The following MYOM2 variants were observed in gnomAD, a reference collection of about 807,000 sequenced individuals.
The protein encoded by MYOM2 is myomesin 2.
In MYOM2, 254 loss-of-function variants were observed where a neutral mutation model predicts 187.6. That is an observed-to-expected ratio of 1.35 (90% CI 1.22 to 1.50). MYOM2 has a LOEUF of 1.50. MYOM2 is among the 40% of genes most tolerant of loss of function. MYOM2 has a pLI of 0.00. For synonymous variants in MYOM2, 981 were observed against 753.8 expected, an observed-to-expected ratio of 1.30 and a Z score of -4.94; for missense variants, 2,796 against 1,924.0, an observed-to-expected ratio of 1.45 and a Z score of -8.48.
intron 13 of MYOM2, 110 bp from the exon 14 acceptor site, chr8:2,085,153 A>G: frequency 7.2e-7 from 1 of 1,387,044 alleles, no homozygotes; most frequent in Non-Finnish European, 9.8e-7. Context: ...CCCAAATAGA[A>G]ACAAAACAAG....
chr8:2,050,616 A>C (rs1818450367), intron 1 of MYOM2, 139 bp from the exon 2 acceptor site: 1 of 534,552 alleles, frequency 1.9e-6, no homozygotes, highest in South Asian at 2.9e-5. Flanking sequence ...ATTTCTGGCC[A>C]TGTAATCTTT....
chr8:2,064,760 TCCCTCCTCCTTCTCCTCCATCC>T (rs1369910629), intron 6 of MYOM2, among the ~76,000 whole-genome samples: 7 of 151,396 alleles, frequency 4.6e-5, no homozygotes, highest in Non-Finnish European at 8.8e-5. Flanking sequence ...GGAACACATC[TCCCTCCTCCTTCTCCTCCATCC>T]CCCTCCTCCT....
rs748989159 is a variant in MYOM2, at chr8:2,098,838, T to G, written c.2314-19T>G. The G allele has an allele frequency of 1.2e-6, 2 of 1,601,250 alleles. No individual in the cohort carries two copies. Among genetic ancestry groups the G allele is most frequent in the Non-Finnish European group, 1.7e-6 (2 of 1,170,366 alleles). On this transcript the variant is annotated intron_variant, in intron 18 of 36. Coordinates refer to ENST00000262113, the MANE Select transcript of MYOM2 (RefSeq NM_003970.4). The stretch of plus-strand genomic sequence containing the variant: ...GGCATCCTTTATCTCATGTATTAAT[T>G]TAAACAAAATCTGAATAGGTGGACG...
At chr8:2,139,054 C>G (rs1241174808) in intron 32 of MYOM2, among the ~76,000 whole-genome samples, 1 of 45,086 alleles carries the variant, frequency 2.2e-5, no homozygotes, top group Non-Finnish European at 4.6e-5. Flanking sequence ...AGAGACCCGA[C>G]ACACACTGCC....
intron 29 of MYOM2, 70 bp from the exon 30 acceptor site, chr8:2,123,485 T>TA (rs1184192758): frequency 8.3e-5 from 123 of 1,487,568 alleles, no homozygotes; most frequent in Non-Finnish European, 1.9e-6. Context: ...GAAAATGTAT[T>TA]AGAGTTTATT....
At chr8:2,113,548 A>G (rs1797136879) in intron 25 of MYOM2, among the ~76,000 whole-genome samples, 1 of 152,050 alleles carries the variant, frequency 6.6e-6, no homozygotes. Context: ...TAGCTGTTGA[A>G]GGAAGAGAGG....
chr8:2,145,063 G>C lies in MYOM2; in HGVS notation c.*82G>C. On this transcript the variant is annotated 3_prime_UTR_variant, in exon 37 of 37. Transcript: ENST00000262113. ...TGTGCTTGTTCCAAATGAGCAGCTG[G>C]CATCCGAGTGGTGTCCTGTGTGGGC... 1 of 1,475,110 alleles carries C rather than the reference G, an allele frequency of 6.8e-7. No individual in the cohort carries two copies. The highest frequency in any genetic ancestry group is 1.2e-5 in the South Asian group (1 of 82,908). The allele number at this position is 1,475,110 out of a possible 1,614,324, so 91.4% of individuals were successfully genotyped here. A position where few individuals can be genotyped will look rare whatever the true frequency, so the allele number is the denominator to read the frequency against.
chr8:2,138,809 C>T (rs957178881), intron 32 of MYOM2, among the ~76,000 whole-genome samples: 14 of 152,176 alleles, frequency 9.2e-5, no homozygotes, highest in African/African-American at 3.4e-4. Context: ...TGTCCGGGAT[C>T]CCAGAGGCTA....
At chr8:2,046,616 T>C (rs1299091220) in intron 1 of MYOM2, among the ~76,000 whole-genome samples, 1 of 152,172 alleles carries the variant, frequency 6.6e-6, no homozygotes, top group Non-Finnish European at 1.5e-5. Flanking sequence ...GCAGAGCAGG[T>C]GGAGGCCCCT....
chr8:2,100,928 G>T lies in MYOM2; in HGVS notation c.2493G>T (p.Met831Ile). ...FCEVRDTSLV[M>I]LWKAPVYSGS... ...AGGTCAGGGACACGTCCTTGGTCAT[G>T]CTGTGGAAGGCCCCTGTGTACTCCG... is the stretch of plus-strand genomic sequence containing the variant. The change falls in exon 20 of 37, where the codon ATG (methionine) becomes ATT (isoleucine). Residue 831 changes from methionine (M) to isoleucine (I), a missense_variant. Coordinates refer to ENST00000262113, the MANE Select transcript of MYOM2 (RefSeq NM_003970.4). 1 of 1,614,228 alleles carries T rather than the reference G, an allele frequency of 6.2e-7. No homozygotes were observed. The highest frequency in any genetic ancestry group is 1.7e-5 in the Admixed American group (1 of 60,026).
chr8:2,051,448 T>A (rs1818483366), intron 2 of MYOM2, among the ~76,000 whole-genome samples: 2 of 152,092 alleles, frequency 1.3e-5, no homozygotes. Flanking sequence ...TCTGCAATCT[T>A]AATGGGCTGA....
chr8:2,071,416 C>T (rs950292174), intron 8 of MYOM2, among the ~76,000 whole-genome samples: 2 of 152,128 alleles, frequency 1.3e-5, no homozygotes, highest in Middle Eastern at 3.2e-3. Context: ...CCCTACCACA[C>T]ATATTTTTGA....
chr8:2,115,868 A>C (rs1294752834), intron 25 of MYOM2, 92 bp from the exon 26 acceptor site: 33 of 1,389,052 alleles, frequency 2.4e-5, no homozygotes, highest in Non-Finnish European at 3.3e-5. Context: ...ATCCCTTGAG[A>C]TCTCATGGCT....
At chr8:2,073,316 C>G in intron 9 of MYOM2, 23 bp from the exon 10 acceptor site, 1 of 1,586,284 alleles carries the variant, frequency 6.3e-7, no homozygotes, top group African/African-American at 1.4e-5. Context: ...GGATGCAAAC[C>G]TTCCGTGTTA....
chr8:2,068,067 C>G (rs1000369760), intron 6 of MYOM2, among the ~76,000 whole-genome samples: 7 of 152,296 alleles, frequency 4.6e-5, no homozygotes, highest in African/African-American at 1.7e-4. Context: ...TCCCAGGATT[C>G]TCATCCCAGG....
chr8:2,048,661 C>T (rs1162814934), intron 1 of MYOM2, among the ~76,000 whole-genome samples: 2 of 152,210 alleles, frequency 1.3e-5, no homozygotes, highest in Non-Finnish European at 1.5e-5. Context: ...AGTCAGAATT[C>T]GATCCCAGGT....
intron 15 of MYOM2, among the ~76,000 whole-genome samples, chr8:2,091,160 G>C (rs572550925): frequency 6.6e-6 from 1 of 151,076 alleles, no homozygotes; most frequent in African/African-American, 2.4e-5. Context: ...CAAATTTTAA[G>C]TGCACTAGAC....
chr8:2,049,313 A>G (rs1218724721), intron 1 of MYOM2, among the ~76,000 whole-genome samples: 1 of 152,178 alleles, frequency 6.6e-6, no homozygotes, highest in Non-Finnish European at 1.5e-5. Context: ...CTTTTGGGGA[A>G]GAATTTCTCC....
At chr8:2,104,088 C>T (rs541452476) in intron 21 of MYOM2, among the ~76,000 whole-genome samples, 1 of 152,244 alleles carries the variant, frequency 6.6e-6, no homozygotes, top group South Asian at 2.1e-4. Flanking sequence ...AATCGTCAAG[C>T]CACGTGCAGG....
Sources: allele counts gnomAD v4.1 joint callset (sites outside exome capture counted in the v4.1 genomes callset), GRCh38; gene constraint gnomAD v4.1.1; transcripts MANE v1.5; gene names NCBI Gene and HGNC (gene_info 2026-07-23, HGNC 2026-07-21).